Variants in DHTKD1 observed in about 807,000 individuals in gnomAD.
The protein encoded by DHTKD1 is dehydrogenase E1 and transketolase domain containing 1, also known as 2-oxoadipate dehydrogenase complex component E1.
Under a neutral mutation model 101.8 loss-of-function variants are expected in DHTKD1, and 78 were observed. The observed-to-expected ratio is 0.77, with a 90% CI of 0.64 to 0.93. DHTKD1 has a LOEUF of 0.93. Ranked by LOEUF, DHTKD1 falls within the 40% of genes least tolerant of loss-of-function variation. DHTKD1 has a pLI of 0.00. For missense variants in DHTKD1, 1,223 were observed against 1,161.7 expected (o/e 1.05, Z -0.77); for synonymous variants, 462 against 450.3 (o/e 1.03, Z -0.33).
chr10:12,097,355 C>G (rs2131364940), intron 7 of DHTKD1, among the ~76,000 whole-genome samples: 1 of 152,276 alleles, frequency 6.6e-6, no homozygotes, highest in African/African-American at 2.4e-5. Context: ...TCACTGCAAC[C>G]TCTACCACTT....
intron 7 of DHTKD1, among the ~76,000 whole-genome samples, chr10:12,096,810 A>T (rs1440260546): frequency 6.6e-6 from 1 of 152,222 alleles, no homozygotes; most frequent in African/African-American, 2.4e-5. Flanking sequence ...TTAAAGGATG[A>T]TAGATGCAAC....
At chr10:12,108,338 G>A (rs886954311) in intron 12 of DHTKD1, among the ~76,000 whole-genome samples, 3 of 152,008 alleles carry the variant, frequency 2.0e-5, no homozygotes, top group South Asian at 2.1e-4. Context: ...GGAGTGCAGT[G>A]GTGCGATCTT....
At chr10:12,069,516 T>TA (rs1400243909) in intron 1 of DHTKD1, among the ~76,000 whole-genome samples, 4 of 122,098 alleles carry the variant, frequency 3.3e-5, no homozygotes, top group Admixed American at 2.3e-4. Context: ...TCTTTTTGTT[T>TA]CCTTTTTTTT....
rs1832947411 is a variant in DHTKD1 at position 12,089,054 on chromosome 10, G to A, written c.786G>A (p.Leu262=). 1 of 1,613,940 alleles carries A rather than the reference G, an allele frequency of 6.2e-7. No individual in the cohort carries two copies. The highest frequency in any genetic ancestry group is 1.1e-5 in the South Asian group (1 of 91,084). ...ATTTCTCAGCCACTGGAGACGTCCT[G>A]TCTCACCTGACCTCCTCTGTGGACC... ...PENFSATGDV[L]SHLTSSVDLY... is the part of the protein sequence containing the mutation. The change falls in exon 5 of 17, where the codon CTG becomes CTA. Residue 262 remains leucine (L), a synonymous_variant. Coordinates refer to ENST00000263035, the MANE Select transcript of DHTKD1 (RefSeq NM_018706.7).
intron 1 of DHTKD1, 60 bp downstream of exon 1, chr10:12,069,247 C>T: frequency 3.3e-6 from 4 of 1,228,742 alleles, no homozygotes; most frequent in Non-Finnish European, 4.2e-6. Flanking sequence ...CTCCCCTGGC[C>T]GATTTGCGGT....
rs1200365421 is a variant in DHTKD1 at position 12,122,301 on chromosome 10, T to C, written c.*1413T>C. ...TTGTCCCTACAAGTCCCTGATGCAG[T>C]ATGTTTATTTGTGATGTTTAAAGAA... On this transcript the variant is annotated 3_prime_UTR_variant, in exon 17 of 17. Coordinates refer to ENST00000263035, the MANE Select transcript of DHTKD1 (RefSeq NM_018706.7). 2 of 152,240 alleles carry C rather than the reference T, an allele frequency of 1.3e-5. No homozygotes were observed. Among genetic ancestry groups the C allele is most frequent in the African/African-American group, 4.8e-5 (2 of 41,462 alleles). 9.4% of individuals were successfully genotyped at this position (152,240 alleles called of 1,614,324 possible). A position where few individuals can be genotyped will look rare whatever the true frequency, so the allele number is the denominator to read the frequency against.
intron 13 of DHTKD1, 65 bp downstream of exon 13, chr10:12,113,129 T>C: frequency 7.4e-7 from 1 of 1,345,124 alleles, no homozygotes; most frequent in Non-Finnish European, 1.0e-6. Context: ...TTTTTCCCTA[T>C]TTTCCATATC....
intron 1 of DHTKD1, among the ~76,000 whole-genome samples, chr10:12,073,570 T>G (rs1277386101): frequency 1.3e-5 from 2 of 152,170 alleles, no homozygotes; most frequent in Non-Finnish European, 2.9e-5. Context: ...AGTCTTGAAC[T>G]CCGGAGCTCA....
chr10:12,118,628 C>T (rs564753156), intron 14 of DHTKD1, 121 bp from the exon 15 acceptor site: 39 of 583,838 alleles, frequency 6.7e-5, no homozygotes, highest in African/African-American at 6.2e-4. Flanking sequence ...GTGATCCGCC[C>T]GCCTTGGCCT....
In DHTKD1 at chr10:12,118,753, A is replaced by T. The variant is rs1359000414; in HGVS notation, c.2407A>T (p.Lys803Ter). The T allele has an allele frequency of 6.4e-7, 1 of 1,562,150 alleles. No homozygotes were observed. The highest frequency in any genetic ancestry group is 2.0e-5 in the Admixed American group (1 of 50,484). The change falls in exon 15 of 17, where the codon AAG (lysine) becomes TAG (stop). Residue 803 changes from lysine (K) to a stop codon, truncating the protein, a stop_gained. Transcript: ENST00000263035. LOFTEE classifies it high-confidence loss of function. The part of the protein sequence containing the change: ...GDSSVDPKKV[K>*]TLVFCSGKHF... ...TGTTCCTTTTCTGTCCAACAGGGTT[A>T]AGACCCTCGTGTTCTGCTCCGGCAA...
chr10:12,118,245 A>T (rs969585880), intron 14 of DHTKD1, among the ~76,000 whole-genome samples: 2 of 151,924 alleles, frequency 1.3e-5, no homozygotes, highest in African/African-American at 4.8e-5. Context: ...TGGGTGGGAA[A>T]GTGGACTTTG....
chr10:12,076,995 A>AAAAAAAT (rs1554790544), intron 1 of DHTKD1, among the ~76,000 whole-genome samples: 1 of 128,058 alleles, frequency 7.8e-6, no homozygotes, highest in Non-Finnish European at 1.6e-5. Flanking sequence ...AAAAAAAAAA[A>AAAAAAAT]GGAAGAAAAA....
At chr10:12,076,390 C>T (rs146156131) in intron 1 of DHTKD1, among the ~76,000 whole-genome samples, 6,296 of 152,032 alleles carry the variant, frequency 0.041, 364 homozygotes, top group African/African-American at 0.14. Flanking sequence ...GCAGGAGAAT[C>T]GCTTGAACCC....
intron 7 of DHTKD1, among the ~76,000 whole-genome samples, chr10:12,096,309 CT>C (rs1833070470): frequency 6.6e-6 from 1 of 152,186 alleles, no homozygotes. Flanking sequence ...GAGGACTGCT[CT>C]CAGAAGAACT....
At chr10:12,105,474 C>T (rs1006530962) in intron 10 of DHTKD1, among the ~76,000 whole-genome samples, 5 of 152,028 alleles carry the variant, frequency 3.3e-5, no homozygotes, top group African/African-American at 1.2e-4. Flanking sequence ...TGCCACCATG[C>T]CCAGCTAATT....
At chr10:12,115,426 G>C (rs1311058772) in intron 13 of DHTKD1, among the ~76,000 whole-genome samples, 1 of 152,126 alleles carries the variant, frequency 6.6e-6, no homozygotes, top group Non-Finnish European at 1.5e-5. Context: ...TTAGCATTCA[G>C]AGGGGAGTAG....
chr10:12,114,633 T>G (rs778222762), intron 13 of DHTKD1, among the ~76,000 whole-genome samples: 5 of 151,898 alleles, frequency 3.3e-5, no homozygotes, highest in Non-Finnish European at 5.9e-5. Context: ...TGGATATGAC[T>G]GCTGAGGTGA....
chr10:12,097,587 A>G, intron 7 of DHTKD1, 97 bp from the exon 8 acceptor site: 2 of 1,099,790 alleles, frequency 1.8e-6, no homozygotes, highest in Non-Finnish European at 1.3e-6. Context: ...GCCTTTTTAG[A>G]GTGCTGACAC....
chr10:12,071,196 T>C (rs1025860095), intron 1 of DHTKD1, among the ~76,000 whole-genome samples: 1 of 152,196 alleles, frequency 6.6e-6, no homozygotes, highest in African/African-American at 2.4e-5. Context: ...TTCCTTCCCC[T>C]TACGGTCATG....
Sources: allele counts gnomAD v4.1 joint callset (sites outside exome capture counted in the v4.1 genomes callset), GRCh38; gene constraint gnomAD v4.1.1; transcripts MANE v1.5; gene names NCBI Gene and HGNC (gene_info 2026-07-23, HGNC 2026-07-21).